KIF26A: variants seen among roughly 807,000 people sequenced by gnomAD.
The protein encoded by KIF26A is kinesin family member 26A.
In KIF26A, 74 loss-of-function variants were observed where a neutral mutation model predicts 126.0. The ratio of observed to expected loss-of-function variants is 0.59; its 90% CI spans 0.49 to 0.71. The LOEUF is 0.71. KIF26A is among the 30% of genes least tolerant of loss of function. The pLI is 0.00. For missense variants in KIF26A, 2,984 were observed against 2,763.3 expected (o/e 1.08, Z -1.79); for synonymous variants, 1,445 against 1,232.7 (o/e 1.17, Z -3.61).
At chr14:104,167,559 T>G (rs192467199) in intron 5 of KIF26A, among the ~76,000 whole-genome samples, 16 of 152,228 alleles carry the variant, frequency 1.1e-4, no homozygotes, top group African/African-American at 3.9e-4. Context: ...CCATCAGTGA[T>G]GGGACAGGCT....
At position 104,148,640 on chromosome 14, in the gene KIF26A, G is replaced by A. The variant is rs977312140; in HGVS notation, c.289-3375G>A. ...CAGAGCAGGATTTGTTGTTGTTGGC[G>A]GTGGGGGCTGTGCGTGGCCGGGGAG... is the stretch of plus-strand genomic sequence containing the variant. On this transcript the variant is annotated intron_variant, in intron 2 of 14. Transcript: ENST00000423312. The surrounding 1 kb of genome is among the most constrained non-coding windows in gnomAD (Gnocchi z 4.3). Among the ~76,000 whole-genome samples, 17 of 150,804 alleles carry A rather than the reference G, an allele frequency of 1.1e-4. No individual in the cohort carries two copies. Among genetic ancestry groups the A allele is most frequent in the Non-Finnish European group, 1.2e-4 (8 of 67,662 alleles).
In KIF26A at chr14:104,177,078, C is replaced by T. The variant is rs1488039972; in HGVS notation, c.4290C>T (p.His1430=). The change falls in exon 12 of 15, where the codon CAC becomes CAT. Residue 1430 remains histidine, a synonymous_variant. Coordinates refer to ENST00000423312, the MANE Select transcript of KIF26A (RefSeq NM_015656.2). ...KARASKVEAA[H]RLAGHASLER... The stretch of plus-strand genomic sequence containing the variant: ...GGGCCAGCAAGGTAGAAGCAGCACA[C>T]CGTCTTGCCGGACACGCGTCTCTGG... 2 of 1,594,838 alleles carry T rather than the reference C, an allele frequency of 1.3e-6. No homozygotes were observed. The highest frequency in any genetic ancestry group is 1.7e-5 in the Admixed American group (1 of 59,658).
chr14:104,141,710 G>A (rs1452343889), intron 2 of KIF26A, among the ~76,000 whole-genome samples: 19 of 152,038 alleles, frequency 1.2e-4, no homozygotes, highest in Non-Finnish European at 2.8e-4. Flanking sequence ...GGGAGGCGTA[G>A]AGGGTCGGGC....
At position 104,176,842 on chromosome 14, in the gene KIF26A, T is replaced by A; in HGVS notation, c.4054T>A (p.Phe1352Ile). The A allele has an allele frequency of 1.3e-6, 2 of 1,545,954 alleles. No individual in the cohort carries two copies. Among genetic ancestry groups the A allele is most frequent in the East Asian group, 4.9e-5 (2 of 41,090 alleles). ...GAAGGGTCTGGCTCCCAAGGCGGGC[T>A]TCCTCCCGAGGCCCAGTGGGGCGGC... Reference protein sequence around the residue: ...SKKGLAPKAGFLPRPSGAAPP... With the variant: ...SKKGLAPKAGILPRPSGAAPP... The change falls in exon 12 of 15, where the codon TTC (phenylalanine) becomes ATC (isoleucine). Residue 1352 changes from phenylalanine to isoleucine, a missense_variant. Phe to Ile is a conservative substitution (Grantham distance 21, BLOSUM62 0). Transcript: ENST00000423312.
rs771723636 is a variant in KIF26A, at chr14:104,172,566, C to T, written c.1327-9C>T. The T allele has an allele frequency of 5.0e-6, 8 of 1,607,298 alleles. No homozygotes were observed. The highest frequency in any genetic ancestry group is 1.6e-4 in the Middle Eastern group (1 of 6,066). On this transcript the variant is annotated splice_polypyrimidine_tract_variant and intron_variant, in intron 6 of 14. Coordinates refer to ENST00000423312, the MANE Select transcript of KIF26A (RefSeq NM_015656.2). ...GCCACAGCCCTGCCTGATTCTCTTG[C>T]CCCCCTAGGCCGAAGTCTGCTCGGG...
chr14:104,169,480 T>C (rs2141112057), intron 5 of KIF26A, among the ~76,000 whole-genome samples: 1 of 152,170 alleles, frequency 6.6e-6, no homozygotes, highest in South Asian at 2.1e-4. Flanking sequence ...TGCTCCGGAG[T>C]GCTCAGTGCT....
At chr14:104,177,928 G>C in intron 12 of KIF26A, 30 bp downstream of exon 12, 1 of 1,470,564 alleles carries the variant, frequency 6.8e-7, no homozygotes, top group Non-Finnish European at 8.9e-7. Context: ...GCCCTCTACA[G>C]TTTACGGGCT....
chr14:104,173,596 C>T (rs1249743462), intron 9 of KIF26A, 83 bp downstream of exon 9: 1 of 1,511,362 alleles, frequency 6.6e-7, no homozygotes, highest in East Asian at 2.4e-5. Context: ...CATCCAGTGG[C>T]TCCTGGGGAT....
At chr14:104,178,845 C>G (rs898204098) in intron 13 of KIF26A, 90 bp downstream of exon 13, 3 of 753,660 alleles carry the variant, frequency 4.0e-6, no homozygotes, top group Non-Finnish European at 6.3e-6. Context: ...CTCGCCAGGC[C>G]TCTGGGGGTG....
intron 2 of KIF26A, among the ~76,000 whole-genome samples, chr14:104,141,093 T>TC (rs1346220124): frequency 6.6e-6 from 1 of 152,328 alleles, no homozygotes; most frequent in African/African-American, 2.4e-5. Flanking sequence ...GCCTGGGCTG[T>TC]CCCCAGAGTC....
rs200620197 is a variant in KIF26A, at chr14:104,179,692, G to C, written c.5551G>C (p.Val1851Leu). 2 of 1,549,878 alleles carry C rather than the reference G, an allele frequency of 1.3e-6. No homozygotes were observed. The highest frequency in any genetic ancestry group is 2.7e-5 in the African/African-American group (2 of 73,186). ...ERATAALEQCVNLCKAHVMMV... is the reference protein window; with the variant it reads ...ERATAALEQCLNLCKAHVMMV... Reference sequence around the variant, plus strand: ...AGCCACGGCGGCCCTGGAGCAGTGCGTGAACCTGTGCAAGGCGCACGTCAT... The same window carrying C: ...AGCCACGGCGGCCCTGGAGCAGTGCCTGAACCTGTGCAAGGCGCACGTCAT... The change falls in exon 15 of 15, where the codon GTG becomes CTG. Residue 1851 changes from valine to leucine, a missense_variant. Transcript: ENST00000423312.
At chr14:104,157,629 G>A (rs1434801145) in intron 3 of KIF26A, 126 bp from the exon 4 acceptor site, 2 of 1,046,408 alleles carry the variant, frequency 1.9e-6, no homozygotes, top group Non-Finnish European at 1.3e-6. Flanking sequence ...GGCCCTGGGG[G>A]TGCAGAGCCC....
intron 5 of KIF26A, among the ~76,000 whole-genome samples, chr14:104,167,550 C>T (rs750176214): frequency 6.6e-6 from 1 of 152,120 alleles, no homozygotes; most frequent in Non-Finnish European, 1.5e-5. Context: ...ACAGGGCCTC[C>T]ATCAGTGATG....
rs775798624 is a variant in KIF26A at position 104,176,600 on chromosome 14, C to G, written c.3812C>G (p.Pro1271Arg). The change falls in exon 12 of 15, where the codon CCT (proline) becomes CGT (arginine). Residue 1271 changes from proline (P) to arginine (R), a missense_variant. By Grantham distance (103) the Pro-to-Arg change is moderately radical (BLOSUM62 -2). Transcript: ENST00000423312. ...CCCACACTTGGCTCCCCCCGGCTGC[C>G]TGAGGCCCAGGTGATGCTAGCCTGT... ...PSPTLGSPRL[P>R]EAQVMLACAQ... The G allele has an allele frequency of 6.2e-7, 1 of 1,609,092 alleles. No homozygotes were observed. Among genetic ancestry groups the G allele is most frequent in the Non-Finnish European group, 8.5e-7 (1 of 1,179,598 alleles).
rs899064153 is a variant in KIF26A, at chr14:104,151,216, G to A, written c.289-799G>A. 3.3e-5 allele frequency among the ~76,000 whole-genome samples: 5 copies of A among 152,202 alleles called. No individual in the cohort carries two copies. The highest frequency in any genetic ancestry group is 1.2e-4 in the African/African-American group (5 of 41,444). On this transcript the variant is annotated intron_variant, in intron 2 of 14. Transcript: ENST00000423312. This position sits in a 1 kb window ranked among gnomAD's most constrained non-coding sequence, Gnocchi z 4.9. ...AAGCCTTCCCTGACTCTGAGGCTGG[G>A]TGAGGCGCATCCTCCTCTGGGTTCT...
At chr14:104,178,943 G>A (rs575866363) in intron 13 of KIF26A, among the ~76,000 whole-genome samples, 188 bp downstream of exon 13, 5 of 152,192 alleles carry the variant, frequency 3.3e-5, no homozygotes, top group Non-Finnish European at 5.9e-5. Context: ...CAAGCCTGTT[G>A]CAGCTCCGAC....
intron 5 of KIF26A, among the ~76,000 whole-genome samples, chr14:104,169,213 C>T (rs947812304): frequency 3.9e-5 from 6 of 152,168 alleles, no homozygotes; most frequent in African/African-American, 9.7e-5. Flanking sequence ...CAGGTGTGGG[C>T]GGTGGTGGGC....
chr14:104,140,178 G>A (rs1178252008), intron 2 of KIF26A, among the ~76,000 whole-genome samples: 1 of 152,178 alleles, frequency 6.6e-6, no homozygotes, highest in East Asian at 1.9e-4. Context: ...CCTGTCTGGG[G>A]CAGGGCAGGG....
intron 3 of KIF26A, among the ~76,000 whole-genome samples, chr14:104,153,644 G>GC (rs2037751344): frequency 7.8e-6 from 1 of 128,280 alleles, no homozygotes; most frequent in Non-Finnish European, 1.7e-5. Context: ...CCAGAGCTGG[G>GC]CATCCTGGGA....
Sources: gnomAD v4.1 joint callset for allele counts (sites outside exome capture counted in the v4.1 genomes callset) on GRCh38, gnomAD v4.1.1 for gene constraint, Gnocchi (gnomAD v3.1) non-coding constraint, MANE v1.5 for transcripts, NCBI Gene and HGNC (gene_info 2026-07-23, HGNC 2026-07-21) for gene names.